The following CBLB variants were observed in gnomAD, a reference collection of about 807,000 sequenced individuals.
CBLB encodes E3 ubiquitin-protein ligase CBL-B.
A neutral mutation model predicts 104.9 loss-of-function variants in CBLB; 31 were observed. The observed-to-expected ratio is 0.30, with a 90% CI of 0.22 to 0.40. The LOEUF is 0.40. Ranked by LOEUF, CBLB falls within the 10% of genes least tolerant of loss-of-function variation. CBLB has a pLI of 1.00. For missense variants in CBLB, 1,062 were observed against 1,214.6 expected (o/e 0.87, Z 1.87); for synonymous variants, 440 against 422.6 (o/e 1.04, Z -0.51).
chr3:105,834,238 A>T (rs1178304243), intron 3 of CBLB, among the ~76,000 whole-genome samples: 2 of 152,214 alleles, frequency 1.3e-5, no homozygotes, highest in South Asian at 2.1e-4. Flanking sequence ...TCACCAGTTA[A>T]AAAAGAAAAA....
intron 10 of CBLB, among the ~76,000 whole-genome samples, chr3:105,710,530 C>T (rs1436024644): frequency 6.6e-6 from 1 of 151,866 alleles, no homozygotes; most frequent in Non-Finnish European, 1.5e-5. Flanking sequence ...AGGTGATTCT[C>T]ACATTTTTCT....
chr3:105,670,166 T>C (rs532445607), intron 18 of CBLB, 67 bp downstream of exon 18: 3 of 1,272,648 alleles, frequency 2.4e-6, no homozygotes, highest in Admixed American at 1.7e-5. Context: ...AATAAGAAGG[T>C]GTTCTGAAAA....
chr3:105,723,761 T>C (rs2073211362), intron 9 of CBLB, among the ~76,000 whole-genome samples: 4 of 152,094 alleles, frequency 2.6e-5, no homozygotes, highest in Admixed American at 2.6e-4. Flanking sequence ...ACATACTATA[T>C]CTTAAATACC....
chr3:105,671,803 T>G (rs2065088630), intron 17 of CBLB: 1 of 195,660 alleles, frequency 5.1e-6, no homozygotes, highest in Admixed American at 6.1e-5. Context: ...TAACTTGTTT[T>G]CATTAATTTC....
chr3:105,667,375 A>G (rs897461234), intron 18 of CBLB, among the ~76,000 whole-genome samples: 3 of 152,174 alleles, frequency 2.0e-5, no homozygotes, highest in Non-Finnish European at 2.9e-5. Context: ...CAAACTGAGA[A>G]ATTTGTAAAA....
intron 14 of CBLB, chr3:105,682,050 T>A: frequency 4.0e-6 from 2 of 495,534 alleles, no homozygotes; most frequent in Non-Finnish European, 3.6e-6. Flanking sequence ...AACCAAGAAT[T>A]ACAAGGGCCA....
At chr3:105,850,960 T>C (rs1409619332) in intron 3 of CBLB, among the ~76,000 whole-genome samples, 22 of 152,156 alleles carry the variant, frequency 1.4e-4, no homozygotes, top group Admixed American at 1.0e-3. Flanking sequence ...TCTTACAAAC[T>C]TTCTTGAAAG....
At chr3:105,696,501 A>C (rs530292341) in intron 12 of CBLB, among the ~76,000 whole-genome samples, 10 of 151,864 alleles carry the variant, frequency 6.6e-5, no homozygotes, top group Non-Finnish European at 1.3e-4. Flanking sequence ...ACCTGTTTGC[A>C]AATGGTAAAA....
At chr3:105,855,119 C>A (rs79707854) in intron 2 of CBLB, among the ~76,000 whole-genome samples, 2 of 152,034 alleles carry the variant, frequency 1.3e-5, no homozygotes, top group African/African-American at 2.4e-5. Context: ...TGTCAGCAAT[C>A]CCAATGAAAC....
intron 7 of CBLB, among the ~76,000 whole-genome samples, chr3:105,739,901 G>A (rs546664932): frequency 3.9e-5 from 6 of 152,194 alleles, no homozygotes; most frequent in Admixed American, 3.9e-4. Context: ...TCAGGAAATT[G>A]AGGCCATCCT....
At chr3:105,763,770 T>G (rs2077924514) in intron 4 of CBLB, among the ~76,000 whole-genome samples, 1 of 152,194 alleles carries the variant, frequency 6.6e-6, no homozygotes, top group Admixed American at 6.5e-5. Flanking sequence ...CTACTCTTCT[T>G]GCAAGCTAAG....
chr3:105,788,014 C>CTTATGGT (rs2081219649), intron 3 of CBLB, among the ~76,000 whole-genome samples: 4 of 152,040 alleles, frequency 2.6e-5, no homozygotes, highest in Admixed American at 2.6e-4. Context: ...CACTGGGAAA[C>CTTATGGT]TTATGGTTTA....
intron 12 of CBLB, among the ~76,000 whole-genome samples, chr3:105,698,002 C>G (rs1465525222): frequency 6.6e-6 from 1 of 151,980 alleles, no homozygotes; most frequent in African/African-American, 2.4e-5. Flanking sequence ...TATTAAGGAA[C>G]AGCTTTATAA....
chr3:105,756,540 G>A (rs1210521901), intron 4 of CBLB, among the ~76,000 whole-genome samples: 6 of 152,050 alleles, frequency 3.9e-5, no homozygotes, highest in Admixed American at 3.9e-4. Context: ...TCCCAAATTA[G>A]TCTAAAAATT....
In CBLB at chr3:105,815,508, C is replaced by T. The variant is rs929518852; in HGVS notation, c.419+37906G>A. On this transcript the variant is annotated intron_variant, in intron 3 of 18. Transcript: ENST00000394030. ...AAAACCACAATGACATACCATCTCA[C>T]GCCAGTTAGAATGGTGATCACTAAA... Among the ~76,000 whole-genome samples, 10 of 152,138 alleles carry T rather than the reference C, an allele frequency of 6.6e-5. 1 individual carries two copies. In the South Asian group the frequency reaches 1.0e-3, roughly 16 times the overall value.
chr3:105,867,342 A>T, intron 2 of CBLB, 68 bp downstream of exon 2: 1 of 1,383,184 alleles, frequency 7.2e-7, no homozygotes, highest in Non-Finnish European at 1.0e-6. Flanking sequence ...TAACAGTATA[A>T]ATAAATCTGG....
chr3:105,722,198 C>CAAAAAAAAAAA (rs5851468), intron 9 of CBLB, among the ~76,000 whole-genome samples: 78 of 84,290 alleles, frequency 9.3e-4, no homozygotes, highest in Middle Eastern at 7.2e-3. Flanking sequence ...GACCCCGTGC[C>CAAAAAAAAAAA]AAAAAAAAAA....
intron 3 of CBLB, among the ~76,000 whole-genome samples, chr3:105,808,356 T>C (rs1018978516): frequency 6.6e-6 from 1 of 152,198 alleles, no homozygotes; most frequent in Non-Finnish European, 1.5e-5. Flanking sequence ...AATATGTGTT[T>C]CTCTAAGGAC....
intron 4 of CBLB, among the ~76,000 whole-genome samples, chr3:105,769,902 G>T (rs981058868): frequency 1.3e-5 from 2 of 152,166 alleles, no homozygotes; most frequent in Admixed American, 1.3e-4. Flanking sequence ...ATTGGAGATA[G>T]GGAGACTAAT....
Sources: gnomAD v4.1 joint callset for allele counts (sites outside exome capture counted in the v4.1 genomes callset) on GRCh38, gnomAD v4.1.1 for gene constraint, MANE v1.5 for transcripts, NCBI Gene and HGNC (gene_info 2026-07-23, HGNC 2026-07-21) for gene names.